MYO19: variants seen among roughly 807,000 people sequenced by gnomAD.
The protein encoded by MYO19 is myosin XIX.
In MYO19, 132 loss-of-function variants were observed where a neutral mutation model predicts 129.2. The ratio of observed to expected loss-of-function variants is 1.02; its 90% CI spans 0.89 to 1.18. MYO19 has a LOEUF of 1.18. Among genes scored for constraint, MYO19 ranks in the 50% most tolerant of loss-of-function variants. The pLI, the probability that MYO19 is intolerant of heterozygous loss-of-function variation, is 0.00. For missense variants in MYO19, 1,210 were observed against 1,216.7 expected (o/e 0.99, Z 0.08); for synonymous variants, 531 against 477.2 (o/e 1.11, Z -1.47).
Position 36,509,084 on chromosome 17 carries a change from G to C in MYO19, c.1209C>G (p.Thr403=). Residue 403 remains threonine, a synonymous_variant, in exon 14 of 26, where the codon ACC becomes ACG. Transcript: ENST00000614623. ...TACCTATGAAAGTGGTCCACGAGTC[G>C]GTGTCTGCACAGATGCTGCTGTTGA... is the stretch of plus-strand genomic sequence containing the variant. ...SVINSSICAD[T]DSWTTFIGLL... 6.2e-7 allele frequency: 1 copy of C among 1,613,780 alleles called. No homozygotes were observed. The highest frequency in any genetic ancestry group is 8.5e-7 in the Non-Finnish European group (1 of 1,179,812).
chr17:36,537,899 C>A (rs368650542), upstream of MYO19: 1 of 1,613,846 alleles, frequency 6.2e-7, no homozygotes, highest in African/African-American at 1.3e-5. Context: ...TTATTGCCCT[C>A]GGCATTACTG....
At chr17:36,512,557 G>A (rs957527046) in intron 11 of MYO19, 3 of 1,182,828 alleles carry the variant, frequency 2.5e-6, no homozygotes, top group Admixed American at 2.9e-5. Flanking sequence ...GGCTGTGGCA[G>A]AGGGTCATGC....
upstream of MYO19, among the ~76,000 whole-genome samples, chr17:36,544,034 C>T (rs757429509): frequency 1.3e-5 from 2 of 152,218 alleles, no homozygotes; most frequent in Non-Finnish European, 2.9e-5. Context: ...CACAACAGAC[C>T]TCCAAAACCT....
rs2070921773 is a variant in MYO19, at chr17:36,495,843, A to G, written c.*408T>C. The G allele has an allele frequency of 4.8e-6, 6 of 1,241,792 alleles. No homozygotes were observed. In the South Asian group the frequency reaches 2.0e-4, roughly 42 times the overall value. The allele number at this position is 1,241,792 out of a possible 1,614,324, so 76.9% of individuals were successfully genotyped here. ...CTAAAGTTTTGTTCCTTTTTAAAGG[A>G]AATAACCACAAGATTTTTCCCAGCC... On this transcript the variant is annotated 3_prime_UTR_variant, in exon 26 of 26. Transcript: ENST00000614623.
rs2071468625 is a variant in MYO19, at chr17:36,500,841, A to C, written c.2366T>G (p.Leu789Arg). 1 of 1,598,848 alleles carries C rather than the reference A, an allele frequency of 6.3e-7. No homozygotes were observed. Among genetic ancestry groups the C allele is most frequent in the Non-Finnish European group, 8.5e-7 (1 of 1,177,328 alleles). The change falls in exon 23 of 26, where the codon CTC becomes CGC. Residue 789 changes from leucine to arginine, a missense_variant. Leu to Arg is a moderately radical substitution (Grantham distance 102). Coordinates refer to ENST00000614623, the MANE Select transcript of MYO19 (RefSeq NM_001163735.2). ...EQERQWRAVM[L>R]IQAAIRSWLT... ...ACCTGCCCACCTACCTGCCTGGATGAGCATGACGGCCCGCCACTGCCGCTC... is the reference window on the plus strand; with the variant it reads ...ACCTGCCCACCTACCTGCCTGGATGCGCATGACGGCCCGCCACTGCCGCTC...
In MYO19 at chr17:36,527,564, G is replaced by A. The variant is rs757152997; in HGVS notation, c.287C>T (p.Ala96Val). ...SPELMREYHA[A>V]PQPQKLKPHV... ...GCAGAGCCTTACCTGGGGCTGAGGC[G>A]CAGCATGGTACTCTCTCATTAGCTC... The change falls in exon 5 of 26, where the codon GCG becomes GTG. Residue 96 changes from alanine to valine, a missense_variant. Transcript: ENST00000614623. 9.3e-6 allele frequency: 15 copies of A among 1,613,574 alleles called. No homozygotes were observed. The Middle Eastern group carries it at 6.6e-4, about 71-fold the overall frequency.
chr17:36,536,330 C>T (rs569747499), upstream of MYO19, among the ~76,000 whole-genome samples: 39 of 152,012 alleles, frequency 2.6e-4, no homozygotes, highest in Non-Finnish European at 4.3e-4. Flanking sequence ...GAACCAAGGC[C>T]CCCAACTTCA....
intron 11 of MYO19, 168 bp downstream of exon 11, chr17:36,513,261 T>C (rs1249059103): frequency 2.0e-6 from 3 of 1,477,230 alleles, no homozygotes; most frequent in Non-Finnish European, 2.7e-6. Context: ...CACCACCTGG[T>C]CTCCAGACTC....
At chr17:36,538,800 C>T (rs187132199), upstream of MYO19, 13 of 584,584 alleles carry the variant, frequency 2.2e-5, no homozygotes, top group Admixed American at 2.5e-4. Context: ...GTTACCCAGG[C>T]TGGAGTGTAG....
chr17:36,542,772 G>T (rs1389830815), intron 1 of MYO19, among the ~76,000 whole-genome samples: 1 of 151,550 alleles, frequency 6.6e-6, no homozygotes, highest in Non-Finnish European at 1.5e-5. Flanking sequence ...GATACTGAAG[G>T]CCACAGTATC....
chr17:36,511,592 A>G, intron 11 of MYO19, 137 bp from the exon 12 acceptor site: 1 of 755,842 alleles, frequency 1.3e-6, no homozygotes, highest in Non-Finnish European at 2.3e-6. Context: ...CATCTCTGCC[A>G]GACACAATTC....
rs2142042739 is a variant in MYO19 at position 36,512,137 on chromosome 17, A to C, written c.895-682T>G. Among the ~76,000 whole-genome samples the C allele has an allele frequency of 4.0e-5, 6 of 151,864 alleles. No homozygotes were observed. In the East Asian group the frequency reaches 1.2e-3, roughly 29 times the overall value. On this transcript the variant is annotated intron_variant, in intron 11 of 25. Coordinates refer to ENST00000614623, the MANE Select transcript of MYO19 (RefSeq NM_001163735.2). ...AGGCTGAGGCAGGTGGATCACTTGA[A>C]GTCAGAAGTTTAAGACCAGCCTGAC...
At chr17:36,505,129 A>G (rs766852419) in intron 19 of MYO19, 168 bp downstream of exon 19, 4 of 777,248 alleles carry the variant, frequency 5.1e-6, no homozygotes, top group Admixed American at 1.7e-5. Flanking sequence ...ACAACCATAC[A>G]TGCCTGCCCT....
intron 6 of MYO19, among the ~76,000 whole-genome samples, chr17:36,523,662 C>G (rs1176246762): frequency 6.6e-6 from 1 of 152,032 alleles, no homozygotes; most frequent in African/African-American, 2.4e-5. Flanking sequence ...TGACCATAAC[C>G]ATGTAAATAC....
rs764771222 is a variant in MYO19, at chr17:36,503,174, C to T, written c.2003G>A (p.Arg668Gln). Reference protein sequence around the residue: ...IRVSHRNFVERYKLLRRLHPC... With the variant: ...IRVSHRNFVEQYKLLRRLHPC... ...ATGAAGCCTTCTTAGTAACTTGTAT[C>T]GTTCTACAAAGTTTCGGTGAGAGAC... The change falls in exon 21 of 26, where the codon CGA (arginine) becomes CAA (glutamine). Residue 668 changes from arginine (R) to glutamine (Q), a missense_variant. Arg to Gln is a conservative substitution (Grantham distance 43). Coordinates refer to ENST00000614623, the MANE Select transcript of MYO19 (RefSeq NM_001163735.2). 89 of 1,613,876 alleles carry T rather than the reference C, an allele frequency of 5.5e-5. No individual in the cohort carries two copies. Among genetic ancestry groups the T allele is most frequent in the Non-Finnish European group, 6.7e-5 (79 of 1,179,896 alleles).
chr17:36,524,726 A>G (rs560974496), intron 6 of MYO19, among the ~76,000 whole-genome samples: 1 of 152,238 alleles, frequency 6.6e-6, no homozygotes, highest in Non-Finnish European at 1.5e-5. Context: ...TTGGAGGAGC[A>G]CTGCCACATG....
rs61743158 is a variant in MYO19, at chr17:36,503,145, A to G, written c.2032T>C (p.Cys678Arg). The G allele has an allele frequency of 8.6e-4, 1,387 of 1,614,050 alleles. 13 individuals are homozygous for G. The African/African-American group carries it at 0.016, about 19-fold the overall frequency. The change falls in exon 21 of 26, where the codon TGC becomes CGC. Residue 678 changes from cysteine (C) to arginine (R), a missense_variant. Coordinates refer to ENST00000614623, the MANE Select transcript of MYO19 (RefSeq NM_001163735.2). ...RYKLLRRLHPCTSSGPDSPYP... is the reference protein window; with the variant it reads ...RYKLLRRLHPRTSSGPDSPYP... ...GGGCTGTCGGGGCCAGAGGATGTGC[A>G]AGGATGAAGCCTTCTTAGTAACTTG...
In MYO19 at chr17:36,510,795, C is replaced by A; in HGVS notation, c.1108G>T (p.Ala370Ser). The A allele has an allele frequency of 6.2e-7, 1 of 1,604,718 alleles. No homozygotes were observed. Residue 370 changes from alanine (A) to serine (S), a missense_variant, in exon 13 of 26, where the codon GCC (alanine) becomes TCC (serine). Transcript: ENST00000614623. Reference sequence around the variant, plus strand: ...CAGTCTCTACGGGTGTCACACTCGGCTCGGGCGCAGGGCTTCCGGAACACC... The same window carrying A: ...CAGTCTCTACGGGTGTCACACTCGGATCGGGCGCAGGGCTTCCGGAACACC... ...QQVFRKPCAR[A>S]ECDTRRDCLA...
At chr17:36,533,566 A>G (rs570722792) in intron 2 of MYO19, 1 of 152,266 alleles carries the variant, frequency 6.6e-6, no homozygotes, top group Non-Finnish European at 1.5e-5. Context: ...CTCTGAATAC[A>G]TCAAGTCTTT....
Sources: gnomAD v4.1 joint callset for allele counts (sites outside exome capture counted in the v4.1 genomes callset) on GRCh38, gnomAD v4.1.1 for gene constraint, MANE v1.5 for transcripts, NCBI Gene and HGNC (gene_info 2026-07-23, HGNC 2026-07-21) for gene names.